Variants in ITIH3 observed in about 807,000 individuals in gnomAD.
ITIH3 encodes inter-alpha-trypsin inhibitor heavy chain H3.
In ITIH3, 81 loss-of-function variants were observed where a neutral mutation model predicts 96.5. The ratio of observed to expected loss-of-function variants is 0.84; its 90% CI spans 0.70 to 1.01. ITIH3 has a LOEUF of 1.01. Ranked by LOEUF, ITIH3 falls within the 50% of genes least tolerant of loss-of-function variation. The probability of loss-of-function intolerance (pLI) is 0.00; values close to 1 mark genes in which losing one functional copy is unlikely to be tolerated. For missense variants in ITIH3, 1,057 were observed against 1,139.3 expected, an observed-to-expected ratio of 0.93 and a Z score of 1.04; for synonymous variants, 422 against 445.2, an observed-to-expected ratio of 0.95 and a Z score of 0.66.
At chr3:52,800,782 GGAGCCCCTCAAGGGC>G (rs1477867942) in intron 10 of ITIH3, 119 bp downstream of exon 10, 4 of 1,491,170 alleles carry the variant, frequency 2.7e-6, no homozygotes, top group Admixed American at 2.0e-5. Context: ...CTGTGGTCTG[GGAGCCCCTCAAGGGC>G]AGGGTCCTGC....
At position 52,797,277 on chromosome 3, in the gene ITIH3, C is replaced by A; in HGVS notation, c.549+10C>A. The A allele has an allele frequency of 6.3e-7, 1 of 1,597,420 alleles. No individual in the cohort carries two copies. Among genetic ancestry groups the A allele is most frequent in the South Asian group, 1.1e-5 (1 of 88,444 alleles). On this transcript the variant is annotated intron_variant, in intron 5 of 21. Coordinates refer to ENST00000449956, the MANE Select transcript of ITIH3 (RefSeq NM_002217.4). ...GGTCAAACACTTTGAGGTAATCAAC[C>A]GCCCCTGCAGACCTGGGGGGACGGC...
At chr3:52,798,815 G>C in intron 6 of ITIH3, 151 bp from the exon 7 acceptor site, 1 of 898,072 alleles carries the variant, frequency 1.1e-6, no homozygotes, top group Non-Finnish European at 1.7e-6. Flanking sequence ...GGCGGGCAGG[G>C]CTGCCCAGGC....
chr3:52,805,636 T>G, intron 15 of ITIH3, 172 bp from the exon 16 acceptor site: 1 of 1,432,176 alleles, frequency 7.0e-7, no homozygotes, highest in South Asian at 1.6e-5. Context: ...ATAAAGGGCT[T>G]CCCTGGACGT....
intron 6 of ITIH3, among the ~76,000 whole-genome samples, chr3:52,798,234 C>T (rs1233323168): frequency 5.9e-5 from 9 of 152,244 alleles, no homozygotes; most frequent in Middle Eastern, 3.4e-3. Context: ...AGGCTGAAGC[C>T]CAAGGGAGTC....
At chr3:52,799,613 C>T (rs1307712032) in intron 8 of ITIH3, 125 bp downstream of exon 8, 3 of 1,081,998 alleles carry the variant, frequency 2.8e-6, no homozygotes, top group East Asian at 2.6e-5. Context: ...TAAGAGAAGG[C>T]TCACGGCCTC....
At chr3:52,806,213 A>G (rs1440139486) in intron 17 of ITIH3, 75 bp downstream of exon 17, 9 of 1,598,762 alleles carry the variant, frequency 5.6e-6, no homozygotes, top group African/African-American at 1.3e-5. Context: ...AGTCGAGCCC[A>G]TGGAGGCCAG....
chr3:52,799,265 G>T, intron 7 of ITIH3, 107 bp from the exon 8 acceptor site: 1 of 1,164,874 alleles, frequency 8.6e-7, no homozygotes, highest in East Asian at 2.5e-5. Flanking sequence ...GGTGGGATAG[G>T]AACGTCTTTT....
chr3:52,796,216 AAGG>A (rs1699574139), intron 2 of ITIH3, among the ~76,000 whole-genome samples: 1 of 152,168 alleles, frequency 6.6e-6, no homozygotes, highest in Non-Finnish European at 1.5e-5. Flanking sequence ...CTGGACGGGA[AAGG>A]GCAAGCTCTC....
intron 6 of ITIH3, 76 bp from the exon 7 acceptor site, chr3:52,798,890 C>A: frequency 6.4e-7 from 1 of 1,563,732 alleles, no homozygotes; most frequent in East Asian, 2.3e-5. Context: ...CCTCTGCTCC[C>A]TCAGCTAAGG....
Position 52,807,852 on chromosome 3 carries a change from T to C in ITIH3, c.2367T>C (p.Arg789=). The change falls in exon 20 of 22, where the codon CGT becomes CGC. Residue 789 remains arginine, a synonymous_variant. Coordinates refer to ENST00000449956, the MANE Select transcript of ITIH3 (RefSeq NM_002217.4). ...TGTGGAAGAAACATCCTGTCCACCG[T>C]GACTTTCTAGGCTTCTACGTGGTGG... The part of the protein sequence containing the change: ...HQVWKKHPVH[R]DFLGFYVVDS... 3 of 1,611,942 alleles carry C rather than the reference T, an allele frequency of 1.9e-6. No homozygotes were observed. The highest frequency in any genetic ancestry group is 2.5e-6 in the Non-Finnish European group (3 of 1,179,050).
chr3:52,801,288 T>C, intron 11 of ITIH3, 142 bp downstream of exon 11: 1 of 721,946 alleles, frequency 1.4e-6, no homozygotes, highest in Non-Finnish European at 2.1e-6. Flanking sequence ...TACCCATCAG[T>C]AAAGATTCTG....
chr3:52,801,195 TCAGA>T, intron 11 of ITIH3, 49 bp downstream of exon 11: 8 of 1,442,972 alleles, frequency 5.5e-6, no homozygotes, highest in Non-Finnish European at 7.4e-6. Flanking sequence ...CACTACTTCC[TCAGA>T]CAGCTGCTCC....
chr3:52,804,169 C>T (rs904477729), intron 14 of ITIH3, 160 bp downstream of exon 14: 7 of 702,652 alleles, frequency 1.0e-5, no homozygotes, highest in East Asian at 2.7e-5. Context: ...TGGGGTGGAG[C>T]GTGAAGCAGT....
intron 18 of ITIH3, 117 bp from the exon 19 acceptor site, chr3:52,806,784 T>C (rs1700066195): frequency 1.3e-6 from 1 of 791,478 alleles, no homozygotes; most frequent in Non-Finnish European, 2.1e-6. Context: ...GTCTCTCTTG[T>C]GGCCCCCGCT....
intron 19 of ITIH3, 101 bp downstream of exon 19, chr3:52,807,206 G>A: frequency 9.6e-7 from 1 of 1,039,428 alleles, no homozygotes. Context: ...ATCCATGGGG[G>A]TCACAGGAAA....
At chr3:52,797,329 G>C (rs1699628269) in intron 5 of ITIH3, 62 bp downstream of exon 5, 2 of 1,522,074 alleles carry the variant, frequency 1.3e-6, no homozygotes, top group South Asian at 1.2e-5. Flanking sequence ...CCGCCCATGG[G>C]GCAGTCTCAG....
At position 52,801,015 on chromosome 3, in the gene ITIH3, G is replaced by T. The variant is rs1240868597; in HGVS notation, c.1252G>T (p.Gly418Cys). The T allele has an allele frequency of 6.2e-7, 1 of 1,614,044 alleles. No homozygotes were observed. The change falls in exon 11 of 22, where the codon GGC (glycine) becomes TGC (cysteine). Residue 418 changes from glycine to cysteine, a missense_variant. By Grantham distance (159) the Gly-to-Cys change is radical (BLOSUM62 -3). Transcript: ENST00000449956. ...IQENVRNAIG[G>C]KFPLYNLGFG... ...AGAGAATGTGCGGAATGCCATCGGGGGCAAGTTCCCCTTGTATAACCTGGG... is the reference window on the plus strand; with the variant it reads ...AGAGAATGTGCGGAATGCCATCGGGTGCAAGTTCCCCTTGTATAACCTGGG...
chr3:52,799,846 G>A lies in ITIH3; in HGVS notation c.1000G>A (p.Glu334Lys). The change falls in exon 9 of 22, where the codon GAG (glutamate) becomes AAG (lysine). Residue 334 changes from glutamate (E) to lysine (K), a missense_variant. Coordinates refer to ENST00000449956, the MANE Select transcript of ITIH3 (RefSeq NM_002217.4). Reference protein sequence around the residue: ...LFSGDVSTWKEHLVQATPENL... With the variant: ...LFSGDVSTWKKHLVQATPENL... ...CAGTGGAGATGTGTCCACATGGAAA[G>A]AGCACTTAGTCCAGGCCACGCCCGA... The A allele has an allele frequency of 1.2e-6, 2 of 1,613,816 alleles. No homozygotes were observed. Among genetic ancestry groups the A allele is most frequent in the Non-Finnish European group, 1.7e-6 (2 of 1,179,724 alleles).
chr3:52,799,994 C>G, intron 9 of ITIH3, 73 bp downstream of exon 9: 3 of 1,408,746 alleles, frequency 2.1e-6, no homozygotes, highest in Admixed American at 2.0e-5. Flanking sequence ...TGCAACCCCC[C>G]TCTTAGGGAC....
Sources: gnomAD v4.1 joint callset for allele counts (sites outside exome capture counted in the v4.1 genomes callset) on GRCh38, gnomAD v4.1.1 for gene constraint, MANE v1.5 for transcripts, NCBI Gene and HGNC (gene_info 2026-07-23, HGNC 2026-07-21) for gene names.